IFT80: variants seen among roughly 807,000 people sequenced by gnomAD.
IFT80 encodes intraflagellar transport 80.
IFT80 carries 79 observed loss-of-function variants against 107.9 expected under a neutral mutation model. That is an observed-to-expected ratio of 0.73 (90% CI 0.61 to 0.88). IFT80 has a LOEUF of 0.88. IFT80 is among the 40% of genes least tolerant of loss of function. The pLI is 0.00. For missense variants in IFT80, 797 were observed against 914.2 expected, an observed-to-expected ratio of 0.87 and a Z score of 1.65; for synonymous variants, 299 against 300.9, an observed-to-expected ratio of 0.99 and a Z score of 0.07.
intron 12 of IFT80, among the ~76,000 whole-genome samples, chr3:160,293,256 G>A (rs549054015): frequency 6.6e-6 from 1 of 152,286 alleles, no homozygotes; most frequent in South Asian, 2.1e-4. Context: ...AAACTTGAAT[G>A]GAATCCTATA....
At chr3:160,320,859 G>A (rs1718161683) in intron 8 of IFT80, among the ~76,000 whole-genome samples, 1 of 151,552 alleles carries the variant, frequency 6.6e-6, no homozygotes, top group African/African-American at 2.4e-5. Flanking sequence ...AAATCTAGGG[G>A]AATGGAAAAA....
chr3:160,347,108 GTCCATATTGTGTA>G (rs1720344924), intron 8 of IFT80, among the ~76,000 whole-genome samples: 1 of 152,062 alleles, frequency 6.6e-6, no homozygotes, highest in Non-Finnish European at 1.5e-5. Flanking sequence ...TGAGGACACT[GTCCATATTGTGTA>G]CCCTGCCCCA....
chr3:160,304,105 A>T, intron 10 of IFT80, 116 bp from the exon 11 acceptor site: 1 of 724,304 alleles, frequency 1.4e-6, no homozygotes, highest in Non-Finnish European at 2.5e-6. Context: ...AATTATATAC[A>T]TACTTTTATT....
At chr3:160,303,807 G>T in intron 11 of IFT80, 108 bp downstream of exon 11, 6 of 703,302 alleles carry the variant, frequency 8.5e-6, no homozygotes, top group South Asian at 1.7e-5. Context: ...AAACAGATTG[G>T]TTCTAAATGA....
chr3:160,329,941 C>T (rs746459609), intron 8 of IFT80, among the ~76,000 whole-genome samples: 6 of 152,008 alleles, frequency 3.9e-5, no homozygotes, highest in Non-Finnish European at 7.4e-5. Flanking sequence ...TTATCTCTTT[C>T]TTTGACCAGA....
At chr3:160,309,837 T>C (rs1717113984) in intron 9 of IFT80, among the ~76,000 whole-genome samples, 2 of 152,062 alleles carry the variant, frequency 1.3e-5, no homozygotes, top group African/African-American at 4.8e-5. Context: ...ATTAGAATAA[T>C]ATTAATATTG....
At chr3:160,279,504 C>G in intron 15 of IFT80, 140 bp from the exon 16 acceptor site, 1 of 685,766 alleles carries the variant, frequency 1.5e-6, no homozygotes, top group South Asian at 1.7e-5. Context: ...AGGTTAACTC[C>G]AGGGAGAATG....
rs781425551 is a variant in IFT80 at position 160,268,504 on chromosome 3, T to A, written c.2132A>T (p.His711Leu). ...ACGGTAAGCAAGAACTGTATCAACA[T>A]GTGTTTTGTATTTTACAGCCAATTC... ...ALELAVKYKT[H>L]VDTVLAYRQK... is the part of the protein sequence containing the mutation. Residue 711 changes from histidine (H) to leucine (L), a missense_variant, in exon 19 of 20, where the codon CAT becomes CTT. Physicochemically the swap from His to Leu is moderately conservative, Grantham distance 99. Transcript: ENST00000326448. 6.2e-7 allele frequency: 1 copy of A among 1,613,246 alleles called. No individual in the cohort carries two copies. The highest frequency in any genetic ancestry group is 2.2e-5 in the East Asian group (1 of 44,790).
At chr3:160,355,528 G>A (rs1447094543) in intron 8 of IFT80, among the ~76,000 whole-genome samples, 1 of 152,036 alleles carries the variant, frequency 6.6e-6, no homozygotes, top group African/African-American at 2.4e-5. Context: ...TGGGATTACA[G>A]GCATGAAACA....
At chr3:160,356,173 T>A (rs1439263596) in intron 7 of IFT80, 23 bp from the exon 8 acceptor site, 3 of 1,607,818 alleles carry the variant, frequency 1.9e-6, no homozygotes, top group Non-Finnish European at 2.6e-6. Context: ...TTTTTAAAAA[T>A]CTTTTATAAT....
At chr3:160,322,733 TG>T (rs1455578603) in intron 8 of IFT80, among the ~76,000 whole-genome samples, 2 of 152,158 alleles carry the variant, frequency 1.3e-5, no homozygotes, top group African/African-American at 2.4e-5. Flanking sequence ...CCATTCTAAC[TG>T]GTGTGAGATG....
At chr3:160,318,465 G>C (rs1717979715) in intron 9 of IFT80, among the ~76,000 whole-genome samples, 1 of 151,932 alleles carries the variant, frequency 6.6e-6, no homozygotes, top group Non-Finnish European at 1.5e-5. Context: ...TTCTTTTTGA[G>C]GATTTGCATT....
intron 8 of IFT80, among the ~76,000 whole-genome samples, chr3:160,320,779 T>C (rs1376154824): frequency 6.6e-6 from 1 of 151,850 alleles, no homozygotes; most frequent in Non-Finnish European, 1.5e-5. Flanking sequence ...ATATATTTTG[T>C]TTGTTTGTTT....
rs769145250 is a variant in IFT80, at chr3:160,356,200, C to T, written c.640-50G>A. 7 of 1,471,448 alleles carry T rather than the reference C, an allele frequency of 4.8e-6. No individual in the cohort carries two copies. The Admixed American group carries it at 7.2e-5, about 15-fold the overall frequency. The allele number at this position is 1,471,448 out of a possible 1,614,324, so 91.1% of individuals were successfully genotyped here. On this transcript the variant is annotated intron_variant, in intron 7 of 19. Transcript: ENST00000326448. ...TTTTATAATATCAGGGAGAAGTTTG[C>T]AAAAACTAAAAGAAAAATAAATAAA...
chr3:160,336,294 A>C (rs1046658012), intron 8 of IFT80, among the ~76,000 whole-genome samples: 1 of 152,200 alleles, frequency 6.6e-6, no homozygotes, highest in Non-Finnish European at 1.5e-5. Flanking sequence ...CAAATAATTT[A>C]AATCACTGAA....
At chr3:160,312,944 AAT>A (rs1473893329) in intron 9 of IFT80, among the ~76,000 whole-genome samples, 1 of 42,364 alleles carries the variant, frequency 2.4e-5, no homozygotes, top group African/African-American at 1.3e-4. Context: ...ATATATAATA[AAT>A]ATATATTATA....
intron 10 of IFT80, among the ~76,000 whole-genome samples, chr3:160,305,344 G>A (rs1716763095): frequency 6.6e-6 from 1 of 151,926 alleles, no homozygotes; most frequent in African/African-American, 2.4e-5. Context: ...TAAATACATG[G>A]ACAAAGCAAA....
At chr3:160,290,625 G>A (rs1002901661) in intron 12 of IFT80, among the ~76,000 whole-genome samples, 1 of 152,096 alleles carries the variant, frequency 6.6e-6, no homozygotes, top group Non-Finnish European at 1.5e-5. Flanking sequence ...TTGTTGACCA[G>A]GCTGGAGTGC....
chr3:160,313,874 C>G (rs990234386), intron 9 of IFT80, among the ~76,000 whole-genome samples: 3 of 152,164 alleles, frequency 2.0e-5, no homozygotes, highest in Non-Finnish European at 2.9e-5. Context: ...TCCCAAAGTG[C>G]TGGGATGATA....
Sources: gnomAD v4.1 joint callset for allele counts (sites outside exome capture counted in the v4.1 genomes callset) on GRCh38, gnomAD v4.1.1 for gene constraint, MANE v1.5 for transcripts, NCBI Gene and HGNC (gene_info 2026-07-23, HGNC 2026-07-21) for gene names.